The following TRPM7 variants were observed in gnomAD, a reference collection of about 807,000 sequenced individuals.
The protein encoded by TRPM7 is transient receptor potential cation channel subfamily M member 7, also known as LTRPC ion channel family member 7.
Under a neutral mutation model 229.7 loss-of-function variants are expected in TRPM7, and 134 were observed. The ratio of observed to expected loss-of-function variants is 0.58; its 90% CI spans 0.51 to 0.67. The LOEUF (loss-of-function observed/expected upper bound fraction) is 0.67, where lower values mean the gene tolerates loss of function less well. Ranked by LOEUF, TRPM7 falls within the 30% of genes least tolerant of loss-of-function variation. The pLI, the probability that TRPM7 is intolerant of heterozygous loss-of-function variation, is 0.00. For synonymous variants in TRPM7, 699 were observed against 715.2 expected (o/e 0.98, Z 0.36); for missense variants, 1,901 against 2,210.0 (o/e 0.86, Z 2.80).
At chr15:50,613,499 CT>C (rs2060121588) in intron 15 of TRPM7, among the ~76,000 whole-genome samples, 1 of 64,934 alleles carries the variant, frequency 1.5e-5, no homozygotes, top group African/African-American at 5.5e-5. Flanking sequence ...AGACTCCTGT[CT>C]CAAAAAAAAA....
At position 50,589,584 on chromosome 15, in the gene TRPM7, T is replaced by C; in HGVS notation, c.4389+8A>G. On this transcript the variant is annotated splice_region_variant and intron_variant, in intron 27 of 38. Transcript: ENST00000646667. ...GAACTGTGGGTGTTTTAATAAGGAT[T>C]TACTTACGGATAGTATTTTTATCTT... 1 of 1,528,200 alleles carries C rather than the reference T, an allele frequency of 6.5e-7. No homozygotes were observed. The highest frequency in any genetic ancestry group is 9.0e-7 in the Non-Finnish European group (1 of 1,109,608). The allele number at this position is 1,528,200 out of a possible 1,614,324, so 94.7% of individuals were successfully genotyped here.
chr15:50,650,713 C>CA (rs1051124084), intron 3 of TRPM7, among the ~76,000 whole-genome samples: 28 of 147,404 alleles, frequency 1.9e-4, no homozygotes, highest in Admixed American at 1.4e-3. Context: ...CAAAAAAAAA[C>CA]AAAAAAATCA....
intron 28 of TRPM7, among the ~76,000 whole-genome samples, chr15:50,584,570 G>A (rs2054593984): frequency 6.6e-6 from 1 of 150,862 alleles, no homozygotes. Context: ...TATTTCTAGT[G>A]ATCACTTACT....
chr15:50,666,468 G>GGAAGAGGAA (rs746549922), intron 1 of TRPM7, among the ~76,000 whole-genome samples: 4 of 151,324 alleles, frequency 2.6e-5, no homozygotes, highest in African/African-American at 7.3e-5. Flanking sequence ...AAGAAGAGGA[G>GGAAGAGGAA]GAAGAGGAAG....
intron 9 of TRPM7, among the ~76,000 whole-genome samples, chr15:50,632,226 G>C (rs796962180): frequency 1.3e-5 from 2 of 152,138 alleles, no homozygotes; most frequent in African/African-American, 4.8e-5. Context: ...CCGGGAGACA[G>C]AGGTTGCAGT....
chr15:50,612,347 AAATAT>A (rs1157887624), intron 16 of TRPM7, among the ~76,000 whole-genome samples, 197 bp downstream of exon 16: 1 of 152,160 alleles, frequency 6.6e-6, no homozygotes, highest in African/African-American at 2.4e-5. Context: ...CTTGAGTTGC[AAATAT>A]AATAACCTCT....
chr15:50,637,385 A>G (rs1208220325), intron 7 of TRPM7, 37 bp downstream of exon 7: 2 of 1,592,742 alleles, frequency 1.3e-6, no homozygotes, highest in Non-Finnish European at 1.7e-6. Flanking sequence ...ACAGCCCAGG[A>G]CAATTTCAAC....
At chr15:50,563,697 T>A (rs773152985) in intron 38 of TRPM7, among the ~76,000 whole-genome samples, 2 of 152,190 alleles carry the variant, frequency 1.3e-5, no homozygotes, top group Non-Finnish European at 2.9e-5. Context: ...ATTGGACACG[T>A]TACTAAAGAT....
At chr15:50,615,857 T>C (rs1488199237) in intron 13 of TRPM7, among the ~76,000 whole-genome samples, 2 of 152,094 alleles carry the variant, frequency 1.3e-5, no homozygotes, top group East Asian at 3.8e-4. Flanking sequence ...GTTCACACCA[T>C]TGCACTCTAG....
intron 27 of TRPM7, 123 bp downstream of exon 27, chr15:50,589,469 G>A (rs2059429256): frequency 3.1e-6 from 2 of 638,454 alleles, no homozygotes; most frequent in Non-Finnish European, 5.3e-6. Context: ...TTTGGTATCA[G>A]CATGTTAATG....
chr15:50,607,601 T>A (rs1053805571), intron 19 of TRPM7, among the ~76,000 whole-genome samples: 2 of 152,140 alleles, frequency 1.3e-5, no homozygotes, highest in African/African-American at 4.8e-5. Flanking sequence ...TACAATCAGG[T>A]TTATGTTCTC....
Position 50,609,654 on chromosome 15 carries a change from G to T in TRPM7, c.2507C>A (p.Ser836Ter). 6.2e-7 allele frequency: 1 copy of T among 1,611,398 alleles called. No individual in the cohort carries two copies. The highest frequency in any genetic ancestry group is 8.5e-7 in the Non-Finnish European group (1 of 1,178,834). Residue 836 changes from serine to a stop codon, truncating the protein, a stop_gained, in exon 19 of 39, where the codon TCA becomes TAA. Transcript: ENST00000646667. LOFTEE classifies it high-confidence loss of function. ...GKNEMEIQMKSKKLPITRKFY... is the reference protein window; with the variant it reads ...GKNEMEIQMK ...CTTTCGCGTAATTGGAAGCTTTTTT[G>T]ATTTCATTTGTATCTCCATCTCATT...
At chr15:50,565,262 G>A (rs1190861823) in intron 38 of TRPM7, among the ~76,000 whole-genome samples, 2 of 151,968 alleles carry the variant, frequency 1.3e-5, no homozygotes, top group Non-Finnish European at 2.9e-5. Flanking sequence ...GATTACAGGG[G>A]TACCGTGCTG....
intron 11 of TRPM7, among the ~76,000 whole-genome samples, chr15:50,626,391 T>G (rs979661460): frequency 2.0e-5 from 3 of 152,082 alleles, no homozygotes; most frequent in Admixed American, 6.6e-5. Context: ...AAATCTTAAT[T>G]TTCATATCTG....
At chr15:50,628,575 G>C (rs1480021989) in intron 10 of TRPM7, among the ~76,000 whole-genome samples, 1 of 152,142 alleles carries the variant, frequency 6.6e-6, no homozygotes, top group South Asian at 2.1e-4. Flanking sequence ...CAGTGTGCTA[G>C]GATTACAAGT....
intron 1 of TRPM7, among the ~76,000 whole-genome samples, chr15:50,673,063 T>TAAGC (rs564701678): frequency 0.024 from 3,689 of 151,294 alleles, 143 homozygotes; most frequent in African/African-American, 0.086. Flanking sequence ...TAAGCTAGCG[T>TAAGC]TAATTTATTA....
intron 38 of TRPM7, among the ~76,000 whole-genome samples, chr15:50,564,287 A>ATAAAG (rs1201850973): frequency 3.4e-5 from 5 of 146,412 alleles, no homozygotes; most frequent in African/African-American, 1.2e-4. Context: ...ATAAAATAAA[A>ATAAAG]TAAAATAAAA....
intron 12 of TRPM7, among the ~76,000 whole-genome samples, chr15:50,620,290 T>TTTTTTTTCAA (rs1288015228): frequency 6.9e-6 from 1 of 144,416 alleles, no homozygotes; most frequent in Non-Finnish European, 1.5e-5. Flanking sequence ...AACATAGAGT[T>TTTTTTTTCAA]TTTTTTTCAA....
intron 34 of TRPM7, 43 bp from the exon 35 acceptor site, chr15:50,574,762 A>T: frequency 6.3e-7 from 1 of 1,591,216 alleles, no homozygotes; most frequent in Non-Finnish European, 8.6e-7. Flanking sequence ...TAATATTTAA[A>T]CTAAGATTAT....
Sources: gnomAD v4.1 joint callset for allele counts (sites outside exome capture counted in the v4.1 genomes callset) on GRCh38, gnomAD v4.1.1 for gene constraint, MANE v1.5 for transcripts, NCBI Gene and HGNC (gene_info 2026-07-23, HGNC 2026-07-21) for gene names.